Variants in GRID1 observed in about 807,000 individuals in gnomAD.
GRID1 encodes the protein glutamate ionotropic receptor delta type subunit 1.
A neutral mutation model predicts 98.0 loss-of-function variants in GRID1; 28 were observed. That is an observed-to-expected ratio of 0.29 (90% confidence interval 0.21 to 0.39). GRID1 has a LOEUF of 0.39. Among genes scored for constraint, GRID1 ranks in the 10% least tolerant of loss-of-function variants. The pLI is 1.00. For missense variants in GRID1, 1,111 were observed against 1,340.5 expected (o/e 0.83, Z 2.67); for synonymous variants, 553 against 538.5 (o/e 1.03, Z -0.37).
intron 12 of GRID1, among the ~76,000 whole-genome samples, chr10:85,658,514 A>G (rs1840928375): frequency 6.6e-6 from 1 of 152,234 alleles, no homozygotes; most frequent in Non-Finnish European, 1.5e-5. Context: ...GGACTGCTTG[A>G]TACAAAAACC....
intron 2 of GRID1, among the ~76,000 whole-genome samples, chr10:86,221,409 C>T (rs1846252531): frequency 6.6e-6 from 1 of 152,216 alleles, no homozygotes; most frequent in Non-Finnish European, 1.5e-5. Flanking sequence ...CACAAAACTC[C>T]TCAAGCACGC....
At chr10:86,323,640 G>A (rs1335983905) in intron 2 of GRID1, among the ~76,000 whole-genome samples, 1 of 152,196 alleles carries the variant, frequency 6.6e-6, no homozygotes, top group Non-Finnish European at 1.5e-5. Flanking sequence ...AGCGGCCGGG[G>A]GAGTGGAAAT....
At chr10:86,062,756 C>T (rs1439977467) in intron 4 of GRID1, among the ~76,000 whole-genome samples, 5 of 152,256 alleles carry the variant, frequency 3.3e-5, no homozygotes, top group South Asian at 2.1e-4. Flanking sequence ...AAAGGGGAGA[C>T]TATGGCTTCC....
At chr10:85,984,478 C>T (rs930009198) in intron 4 of GRID1, among the ~76,000 whole-genome samples, 1 of 152,152 alleles carries the variant, frequency 6.6e-6, no homozygotes, top group Non-Finnish European at 1.5e-5. Context: ...AGAGCCTTCT[C>T]CCACGGCTGT....
chr10:85,945,648 ACT>A (rs1842045546), intron 4 of GRID1, among the ~76,000 whole-genome samples: 3 of 152,088 alleles, frequency 2.0e-5, no homozygotes, highest in Admixed American at 2.0e-4. Context: ...GAAACCCTTC[ACT>A]CTGAAAAGTT....
At chr10:85,739,727 G>A (rs148955260) in intron 8 of GRID1, among the ~76,000 whole-genome samples, 218 of 152,298 alleles carry the variant, frequency 1.4e-3, no homozygotes, top group African/African-American at 5.0e-3. Context: ...ATGCATCATT[G>A]TAAGGGTTTA....
intron 12 of GRID1, among the ~76,000 whole-genome samples, chr10:85,687,332 A>G (rs984116094): frequency 6.6e-6 from 1 of 152,226 alleles, no homozygotes; most frequent in African/African-American, 2.4e-5. Flanking sequence ...TCCATCCAAA[A>G]ATAGGCAGAG....
At chr10:85,967,543 C>A (rs1842353038) in intron 4 of GRID1, among the ~76,000 whole-genome samples, 1 of 152,082 alleles carries the variant, frequency 6.6e-6, no homozygotes. Flanking sequence ...GACTTTAAGT[C>A]AGCTATTAAA....
At chr10:85,613,674 T>C in intron 14 of GRID1, 27 bp from the exon 15 acceptor site, 1 of 1,602,848 alleles carries the variant, frequency 6.2e-7, no homozygotes, top group Non-Finnish European at 8.5e-7. Context: ...AGGTGAGCTA[T>C]AGCCACTGAC....
chr10:86,231,858 A>G (rs879579371), intron 2 of GRID1, among the ~76,000 whole-genome samples: 2 of 152,198 alleles, frequency 1.3e-5, no homozygotes, highest in Non-Finnish European at 2.9e-5. Flanking sequence ...TGTCTCCCCA[A>G]GGAAGCAAGC....
intron 8 of GRID1, among the ~76,000 whole-genome samples, chr10:85,842,124 C>T (rs1301186197): frequency 6.6e-6 from 1 of 152,094 alleles, no homozygotes; most frequent in Non-Finnish European, 1.5e-5. Context: ...TACATATATA[C>T]CCTAGAATAC....
intron 4 of GRID1, among the ~76,000 whole-genome samples, chr10:86,030,427 A>G (rs1286943994): frequency 6.6e-6 from 1 of 152,266 alleles, no homozygotes; most frequent in Non-Finnish European, 1.5e-5. Context: ...TGTTACTTGT[A>G]TATTAACGTT....
chr10:86,281,653 G>C (rs1443012552), intron 2 of GRID1, among the ~76,000 whole-genome samples: 1 of 152,152 alleles, frequency 6.6e-6, no homozygotes, highest in East Asian at 1.9e-4. Context: ...GGCTCCTGTT[G>C]CCCACAGACC....
chr10:85,655,743 T>C (rs1256920471), intron 12 of GRID1, among the ~76,000 whole-genome samples: 1 of 152,208 alleles, frequency 6.6e-6, no homozygotes, highest in East Asian at 1.9e-4. Flanking sequence ...AGAACTTTGC[T>C]TTTCTAGAGA....
intron 3 of GRID1, among the ~76,000 whole-genome samples, chr10:86,164,300 G>A (rs905975715): frequency 9.9e-5 from 15 of 152,192 alleles, no homozygotes; most frequent in Non-Finnish European, 2.1e-4. Flanking sequence ...TCAGAACCAT[G>A]GAGGTGAGCA....
intron 2 of GRID1, among the ~76,000 whole-genome samples, chr10:86,335,593 C>A (rs770148260): frequency 2.0e-5 from 3 of 152,222 alleles, no homozygotes; most frequent in African/African-American, 4.8e-5. Context: ...CTGCTCTATT[C>A]TTCCCCAGCC....
At chr10:85,947,699 T>G (rs552760163) in intron 4 of GRID1, among the ~76,000 whole-genome samples, 1 of 152,316 alleles carries the variant, frequency 6.6e-6, no homozygotes, top group Non-Finnish European at 1.5e-5. Flanking sequence ...CCACCAAATC[T>G]GCTGAGAAGA....
intron 4 of GRID1, among the ~76,000 whole-genome samples, chr10:86,084,460 G>A (rs1396551840): frequency 1.3e-5 from 2 of 152,170 alleles, no homozygotes; most frequent in Admixed American, 1.3e-4. Context: ...AAATTCTGCT[G>A]TAGAAAACAG....
intron 13 of GRID1, among the ~76,000 whole-genome samples, chr10:85,624,565 T>G (rs1484256350): frequency 6.6e-6 from 1 of 152,260 alleles, no homozygotes; most frequent in Non-Finnish European, 1.5e-5. Context: ...CTATGAAACG[T>G]ATTTGCAGAT....
Sources: allele counts gnomAD v4.1 joint callset (sites outside exome capture counted in the v4.1 genomes callset), GRCh38; gene constraint gnomAD v4.1.1; transcripts MANE v1.5; gene names NCBI Gene and HGNC (gene_info 2026-07-23, HGNC 2026-07-21).